The following ESF1 variants were observed in gnomAD, a reference collection of about 807,000 sequenced individuals.
ESF1 encodes ESF1 nucleolar pre-rRNA processing protein.
In ESF1, 58 loss-of-function variants were observed where a neutral mutation model predicts 92.0. The ratio of observed to expected loss-of-function variants is 0.63; its 90% CI spans 0.51 to 0.78. The LOEUF (loss-of-function observed/expected upper bound fraction) is 0.78. ESF1 is among the 30% of genes least tolerant of loss of function. The pLI is 0.00. For missense variants in ESF1, 922 were observed against 989.1 expected (o/e 0.93, Z 0.91); for synonymous variants, 321 against 313.7 (o/e 1.02, Z -0.24).
intron 11 of ESF1, among the ~76,000 whole-genome samples, chr20:13,720,184 A>G (rs2049857842): frequency 2.0e-5 from 3 of 152,038 alleles, no homozygotes; most frequent in African/African-American, 4.8e-5. Flanking sequence ...CTTGTACCCA[A>G]GCTGTACTGC....
rs2049959356 is a variant in ESF1 at position 13,733,818 on chromosome 20, A to G, written c.1853T>C (p.Met618Thr). The change falls in exon 10 of 14, where the codon ATG (methionine) becomes ACG (threonine). Residue 618 changes from methionine to threonine, a missense_variant. Transcript: ENST00000617257. Reference sequence around the variant, plus strand: ...CTTTCCTTCCAATTTGTTTTTGACCATCTCTTCTGCACTTTCTTTAAGACC... The same window carrying G: ...CTTTCCTTCCAATTTGTTTTTGACCGTCTCTTCTGCACTTTCTTTAAGACC... Reference protein sequence around the residue: ...VPGLKESAEEMVKNKLEGKDK... With the variant: ...VPGLKESAEETVKNKLEGKDK... 1.9e-6 allele frequency: 3 copies of G among 1,612,352 alleles called. No individual in the cohort carries two copies. The highest frequency in any genetic ancestry group is 2.5e-6 in the Non-Finnish European group (3 of 1,179,598).
chr20:13,743,234 T>A (rs2094650), intron 9 of ESF1, among the ~76,000 whole-genome samples: 137,578 of 152,234 alleles, frequency 0.9, 62,254 homozygotes, highest in East Asian at 1. Context: ...ATTTTAAAAA[T>A]GACAAGAGAT....
intron 9 of ESF1, among the ~76,000 whole-genome samples, chr20:13,757,826 C>T (rs1226910672): frequency 6.6e-6 from 1 of 152,166 alleles, no homozygotes; most frequent in Non-Finnish European, 1.5e-5. Flanking sequence ...TAAAACACCT[C>T]AATCCAGTTT....
intron 7 of ESF1, among the ~76,000 whole-genome samples, chr20:13,767,201 C>T (rs1369424048): frequency 6.6e-6 from 1 of 151,916 alleles, no homozygotes; most frequent in African/African-American, 2.4e-5. Context: ...AATTACGGTG[C>T]AAAAAAACTA....
At chr20:13,728,230 G>A in intron 11 of ESF1, 148 bp downstream of exon 11, 4 of 578,762 alleles carry the variant, frequency 6.9e-6, no homozygotes, top group Non-Finnish European at 1.2e-5. Flanking sequence ...ATTAATGACT[G>A]TATGCCACAG....
intron 7 of ESF1, among the ~76,000 whole-genome samples, chr20:13,768,788 C>T (rs1218385580): frequency 3.4e-5 from 5 of 148,524 alleles, no homozygotes; most frequent in East Asian, 2.0e-4. Flanking sequence ...TCCCAGCTAC[C>T]GGGGAGGCTG....
At chr20:13,758,485 C>T (rs1423488852) in intron 9 of ESF1, among the ~76,000 whole-genome samples, 1 of 152,158 alleles carries the variant, frequency 6.6e-6, no homozygotes, top group Non-Finnish European at 1.5e-5. Context: ...CAGTGTCCAT[C>T]CTAGCAAATT....
intron 9 of ESF1, among the ~76,000 whole-genome samples, chr20:13,737,959 C>T (rs2049986021): frequency 6.6e-6 from 1 of 152,076 alleles, no homozygotes; most frequent in Admixed American, 6.6e-5. Flanking sequence ...CTTGGCCGAA[C>T]AGAGTATAAG....
At chr20:13,748,540 A>ATATG (rs1555823551) in intron 9 of ESF1, among the ~76,000 whole-genome samples, 7 of 117,464 alleles carry the variant, frequency 6.0e-5, no homozygotes, top group Non-Finnish European at 8.8e-5. Flanking sequence ...ACACATATAT[A>ATATG]TGTGTGTGTA....
Position 13,715,111 on chromosome 20 carries a change from C to A in ESF1, c.2319G>T (p.Leu773Phe). 6.2e-7 allele frequency: 1 copy of A among 1,610,930 alleles called. No individual in the cohort carries two copies. Among genetic ancestry groups the A allele is most frequent in the Non-Finnish European group, 8.5e-7 (1 of 1,179,438 alleles). The part of the protein sequence containing the change: ...QAMYTSHLFN[L>F]DPSDPNFKKT... ...TCTTGAAATTGGGATCTGAGGGGTC[C>A]AAATTGAACAAGTGGGAAGTGTACA... The change falls in exon 14 of 14, where the codon TTG (leucine) becomes TTT (phenylalanine). Residue 773 changes from leucine to phenylalanine, a missense_variant. Transcript: ENST00000617257.
chr20:13,758,219 AG>A lies in ESF1; in HGVS notation c.1828+1472del, dbSNP rs548917626. ...TACTGCTAACCTGTGAGGTAATAAA[AG>A]AGATTAAGTCTTCATTTACATATTC... On this transcript the variant is annotated intron_variant, in intron 9 of 13. Transcript: ENST00000617257. Among the ~76,000 whole-genome samples the A allele has an allele frequency of 3.2e-4, 49 of 152,346 alleles. No individual in the cohort carries two copies. In the East Asian group the frequency reaches 8.9e-3, roughly 28 times the overall value.
At chr20:13,777,514 C>G (rs1036959441) in intron 2 of ESF1, among the ~76,000 whole-genome samples, 1 of 152,164 alleles carries the variant, frequency 6.6e-6, no homozygotes, top group African/African-American at 2.4e-5. Flanking sequence ...GGTTGGAGAT[C>G]AGTGACTCAT....
chr20:13,726,652 C>T (rs984186238), intron 11 of ESF1, among the ~76,000 whole-genome samples: 3 of 152,200 alleles, frequency 2.0e-5, no homozygotes, highest in African/African-American at 7.2e-5. Context: ...TTAAACCAGA[C>T]TCCATGAGGG....
chr20:13,773,904 G>T (rs1002062333), intron 4 of ESF1, among the ~76,000 whole-genome samples: 7 of 152,056 alleles, frequency 4.6e-5, no homozygotes, highest in Admixed American at 6.5e-5. Context: ...GACCATCCTG[G>T]CTAACACAGT....
At chr20:13,764,507 G>A (rs1348160434) in intron 8 of ESF1, among the ~76,000 whole-genome samples, 4 of 152,096 alleles carry the variant, frequency 2.6e-5, no homozygotes, top group Non-Finnish European at 5.9e-5. Flanking sequence ...AGGCACAGTC[G>A]AAAATCCACA....
chr20:13,717,559 T>C (rs2049838565), intron 12 of ESF1, 45 bp from the exon 13 acceptor site: 1 of 1,604,444 alleles, frequency 6.2e-7, no homozygotes, highest in East Asian at 2.2e-5. Flanking sequence ...AGTGCTTTTT[T>C]TTCCACCCCC....
At position 13,776,173 on chromosome 20, in the gene ESF1, G is replaced by A. The variant is rs185825031; in HGVS notation, c.735C>T (p.Ser245=). The change falls in exon 3 of 14, where the codon AGC becomes AGT. Residue 245 remains serine, a synonymous_variant. Transcript: ENST00000617257. Reference sequence around the variant, plus strand: ...CCTCATCACTTCCTATTTCACTAACGCTTTCTGAATCTTCCTCCAGAGCAT... The same window carrying A: ...CCTCATCACTTCCTATTTCACTAACACTTTCTGAATCTTCCTCCAGAGCAT... ...DKDALEEDSE[S]VSEIGSDEES... The A allele has an allele frequency of 6.0e-5, 97 of 1,613,572 alleles. No individual in the cohort carries two copies. The African/African-American group carries it at 7.3e-4, about 12-fold the overall frequency.
chr20:13,715,177 C>CAAA lies in ESF1; in HGVS notation c.2263-13_2263-11dup. 6.7e-6 allele frequency: 8 copies of CAAA among 1,198,726 alleles called. No individual in the cohort carries two copies. The highest frequency in any genetic ancestry group is 4.3e-5 in the South Asian group (2 of 46,228). 74.3% of individuals were successfully genotyped at this position (1,198,726 alleles called of 1,614,324 possible). A position where few individuals can be genotyped will look rare whatever the true frequency, so the allele number is the denominator to read the frequency against. ...CATCGTTAACATTTACCTGCAAATC[C>CAAA]AAAAAAAAAAAAAATTAATAAATTA... On this transcript the variant is annotated splice_polypyrimidine_tract_variant and intron_variant, in intron 13 of 13. Transcript: ENST00000617257.
In ESF1 at chr20:13,783,083, G is replaced by A. The variant is rs1217199069; in HGVS notation, c.58C>T (p.Pro20Ser). 6.2e-7 allele frequency: 1 copy of A among 1,613,348 alleles called. No homozygotes were observed. The highest frequency in any genetic ancestry group is 2.2e-5 in the East Asian group (1 of 44,870). ...DQRFRRVAKD[P>S]RFWEMPEKDR... ...TTTTCTGGCATTTCCCAAAATCTCGGGTCCTTTGCAACCCGTCTAAACCGC... is the reference window on the plus strand; with the variant it reads ...TTTTCTGGCATTTCCCAAAATCTCGAGTCCTTTGCAACCCGTCTAAACCGC... Residue 20 changes from proline (P) to serine (S), a missense_variant, in exon 2 of 14, where the codon CCG (proline) becomes TCG (serine). Transcript: ENST00000617257.
Sources: gnomAD v4.1 joint callset for allele counts (sites outside exome capture counted in the v4.1 genomes callset) on GRCh38, gnomAD v4.1.1 for gene constraint, MANE v1.5 for transcripts, NCBI Gene and HGNC (gene_info 2026-07-23, HGNC 2026-07-21) for gene names.